UQCR11: variants seen among roughly 807,000 people sequenced by gnomAD.
UQCR11 encodes the protein ubiquinol-cytochrome c reductase, complex III subunit XI.
A neutral mutation model predicts 7.6 loss-of-function variants in UQCR11; 10 were observed. That is an observed-to-expected ratio of 1.31 (90% CI 0.81 to 2.22). The LOEUF is 2.22. UQCR11 is among the 30% of genes most tolerant of loss of function. UQCR11 has a pLI of 0.00. For synonymous variants in UQCR11, 34 were observed against 34.9 expected (o/e 0.97, Z 0.09); for missense variants, 86 against 75.1 (o/e 1.15, Z -0.54).
chr19:1,600,651 C>T (rs1390830513), intron 1 of UQCR11, among the ~76,000 whole-genome samples: 1 of 152,174 alleles, frequency 6.6e-6, no homozygotes, highest in Non-Finnish European at 1.5e-5. Context: ...GCAGGAGGCT[C>T]ACTTGAGCCT....
At chr19:1,604,387 G>GT (rs757480174) in intron 1 of UQCR11, among the ~76,000 whole-genome samples, 2 of 151,878 alleles carry the variant, frequency 1.3e-5, no homozygotes, top group Non-Finnish European at 2.9e-5. Context: ...ATAATTTTTT[G>GT]TTTTGTAGAG....
rs532283761 is a variant in UQCR11 at position 1,605,423 on chromosome 19, C to A, written c.-14G>T. On this transcript the variant is annotated 5_prime_UTR_variant, in exon 1 of 3. Coordinates refer to ENST00000591899, the MANE Select transcript of UQCR11 (RefSeq NM_006830.4). ...CCGGGTCACCATCGCGGCGGAGTCG[C>A]ACCCTCAGGATGACCCTGTCCAGCT... is the stretch of plus-strand genomic sequence containing the variant. 41 of 1,560,336 alleles carry A rather than the reference C, an allele frequency of 2.6e-5. No homozygotes were observed. In the Admixed American group the frequency reaches 7.6e-4, roughly 29 times the overall value.
chr19:1,601,644 AC>A (rs35433553), intron 1 of UQCR11, among the ~76,000 whole-genome samples: 1 of 151,306 alleles, frequency 6.6e-6, no homozygotes. Flanking sequence ...CCAGCCAACA[AC>A]CCCGTGAGTG....
chr19:1,603,908 T>C (rs2060754320), intron 1 of UQCR11, among the ~76,000 whole-genome samples: 1 of 152,220 alleles, frequency 6.6e-6, no homozygotes, highest in Non-Finnish European at 1.5e-5. Context: ...AGAGGAAGTA[T>C]GTTCTGGCTT....
At chr19:1,600,274 C>T (rs112043668) in intron 1 of UQCR11, among the ~76,000 whole-genome samples, 50 of 140,076 alleles carry the variant, frequency 3.6e-4, no homozygotes, top group African/African-American at 1.3e-3. Flanking sequence ...AGTGCAGTGG[C>T]GTGATCTCGG....
At chr19:1,602,435 G>GTTATTTAT (rs544253414) in intron 1 of UQCR11, 2 of 151,900 alleles carry the variant, frequency 1.3e-5, no homozygotes, top group African/African-American at 2.4e-5. Context: ...TTCTGGATAA[G>GTTATTTAT]TTATTTATTT....
At chr19:1,603,871 T>G (rs2060754180) in intron 1 of UQCR11, among the ~76,000 whole-genome samples, 2 of 152,202 alleles carry the variant, frequency 1.3e-5, no homozygotes, top group African/African-American at 4.8e-5. Context: ...GCAGACCCTG[T>G]CCCCGACCTG....
chr19:1,598,715 A>G (rs1360696494), intron 2 of UQCR11, among the ~76,000 whole-genome samples: 1 of 152,236 alleles, frequency 6.6e-6, no homozygotes, highest in Admixed American at 6.5e-5. Flanking sequence ...GTCTCAAAAA[A>G]AAAGAAACGT....
intron 2 of UQCR11, 57 bp downstream of exon 2, chr19:1,599,355 C>G (rs2060740308): frequency 6.3e-7 from 1 of 1,584,024 alleles, no homozygotes; most frequent in Non-Finnish European, 8.6e-7. Context: ...AGAACCCACT[C>G]TTCGGCCACC....
At chr19:1,600,209 CTTTT>C (rs751453784) in intron 1 of UQCR11, among the ~76,000 whole-genome samples, 4 of 121,350 alleles carry the variant, frequency 3.3e-5, no homozygotes, top group Admixed American at 1.8e-4. Flanking sequence ...GCACAGGCTT[CTTTT>C]TTTTTTTTTT....
chr19:1,599,683 G>A (rs569311357), intron 1 of UQCR11, 123 bp from the exon 2 acceptor site: 67 of 1,422,608 alleles, frequency 4.7e-5, no homozygotes, highest in South Asian at 4.3e-4. Flanking sequence ...ACCTGTGCCC[G>A]CCCAGTGCTG....
At chr19:1,600,323 C>T (rs1016254581) in intron 1 of UQCR11, among the ~76,000 whole-genome samples, 1 of 151,314 alleles carries the variant, frequency 6.6e-6, no homozygotes, top group East Asian at 2.0e-4. Flanking sequence ...AAGCAATTCT[C>T]CTGCCTCAGC....
Position 1,599,509 on chromosome 19 carries a change from C to T in UQCR11, c.102G>A (p.Trp34Ter). The change falls in exon 2 of 3, where the codon TGG becomes TGA. Residue 34 changes from tryptophan to a stop codon, truncating the protein, a stop_gained. Coordinates refer to ENST00000591899, the MANE Select transcript of UQCR11 (RefSeq NM_006830.4). LOFTEE classifies it high-confidence loss of function. The stretch of plus-strand genomic sequence containing the variant: ...CCAGGATCAGCCGCCAATCGGTGGC[C>T]CACACCAGCCCCACGGCGCCCACAG... ...WGAVGAVGLV[W>*]ATDWRLILDW... The T allele has an allele frequency of 1.2e-6, 2 of 1,613,448 alleles. No homozygotes were observed. The highest frequency in any genetic ancestry group is 8.5e-7 in the Non-Finnish European group (1 of 1,180,018).
intron 1 of UQCR11, among the ~76,000 whole-genome samples, chr19:1,600,131 AGCAGATTCTAGGAAG>A: frequency 6.6e-6 from 1 of 152,030 alleles, no homozygotes; most frequent in Non-Finnish European, 1.5e-5. Context: ...AGGAAGGCCC[AGCAGATTCTAGGAAG>A]GCCCAGCAAA....
chr19:1,602,809 C>T (rs1333396814), intron 1 of UQCR11, among the ~76,000 whole-genome samples: 6 of 152,184 alleles, frequency 3.9e-5, no homozygotes, highest in Non-Finnish European at 8.8e-5. Context: ...GGCCGGCCTC[C>T]GCCTCCCCTA....
rs1156770278 is a variant in UQCR11 at position 1,598,060 on chromosome 19, G to A, written c.*184C>T. 1 of 152,256 alleles carries A rather than the reference G, an allele frequency of 6.6e-6. No homozygotes were observed. Among genetic ancestry groups the A allele is most frequent in the Non-Finnish European group, 1.5e-5 (1 of 68,062 alleles). 9.4% of individuals were successfully genotyped at this position (152,256 alleles called of 1,614,324 possible). A position where few individuals can be genotyped will look rare whatever the true frequency, so the allele number is the denominator to read the frequency against. On this transcript the variant is annotated 3_prime_UTR_variant, in exon 3 of 3. Coordinates refer to ENST00000591899, the MANE Select transcript of UQCR11 (RefSeq NM_006830.4). ...ATCCGGGCACGGAGCAGGTTTCAGT[G>A]AGGTTTAATGCAACGTGCATTAAAA...
intron 1 of UQCR11, among the ~76,000 whole-genome samples, chr19:1,604,796 TG>T (rs982190127): frequency 6.6e-6 from 1 of 152,190 alleles, no homozygotes; most frequent in African/African-American, 2.4e-5. Flanking sequence ...CACAAAGCGC[TG>T]GGATCACAGG....
chr19:1,601,315 AATGAGGGCCGGGC>A (rs1285704139), intron 1 of UQCR11, among the ~76,000 whole-genome samples: 2 of 151,634 alleles, frequency 1.3e-5, no homozygotes, highest in Non-Finnish European at 2.9e-5. Context: ...CTAAGAAGGA[AATGAGGGCCGGGC>A]ATGGTGGCTC....
At chr19:1,599,593 C>A in intron 1 of UQCR11, 33 bp from the exon 2 acceptor site, 1 of 1,601,508 alleles carries the variant, frequency 6.2e-7, no homozygotes, top group South Asian at 1.1e-5. Context: ...CAGGCCTGCT[C>A]TGGACCCTTT....
Sources: gnomAD v4.1 joint callset for allele counts (sites outside exome capture counted in the v4.1 genomes callset) on GRCh38, gnomAD v4.1.1 for gene constraint, MANE v1.5 for transcripts, NCBI Gene and HGNC (gene_info 2026-07-23, HGNC 2026-07-21) for gene names.